Variants in GRB10 observed in about 807,000 individuals in gnomAD.
The protein encoded by GRB10 is growth factor receptor bound protein 10, also known as growth factor receptor-bound protein 10.
In GRB10, 20 loss-of-function variants were observed where a neutral mutation model predicts 80.9. That is an observed-to-expected ratio of 0.25 (90% confidence interval 0.17 to 0.36). The LOEUF (loss-of-function observed/expected upper bound fraction) is 0.36, where lower values mean the gene tolerates loss of function less well. Ranked by LOEUF, GRB10 falls within the 10% of genes least tolerant of loss-of-function variation. The pLI is 1.00. For missense variants in GRB10, 548 were observed against 747.7 expected (o/e 0.73, Z 3.12); for synonymous variants, 291 against 291.5 (o/e 1.00, Z 0.02).
At chr7:50,792,793 G>T (rs2078987343) in intron 1 of GRB10, 1 of 180,270 alleles carries the variant, frequency 5.5e-6, no homozygotes, top group Non-Finnish European at 1.1e-5. Context: ...GGACGCCTGG[G>T]CGCCCACCCT....
At chr7:50,649,454 A>C (rs1440222154) in intron 7 of GRB10, among the ~76,000 whole-genome samples, 1 of 152,204 alleles carries the variant, frequency 6.6e-6, no homozygotes, top group African/African-American at 2.4e-5. Context: ...CTGAGCTGGC[A>C]AATGTGAGGG....
At chr7:50,710,089 C>T (rs1303039992) in intron 4 of GRB10, among the ~76,000 whole-genome samples, 3 of 152,152 alleles carry the variant, frequency 2.0e-5, no homozygotes, top group Non-Finnish European at 4.4e-5. Context: ...CCCTTTGGCA[C>T]TTTCTCTGAC....
chr7:50,677,569 C>T (rs921599655), intron 5 of GRB10, among the ~76,000 whole-genome samples: 2 of 152,210 alleles, frequency 1.3e-5, no homozygotes, highest in African/African-American at 4.8e-5. Flanking sequence ...GTGGAGACCA[C>T]GAATCTGGGG....
At chr7:50,595,321 C>T (rs1460979301) in intron 18 of GRB10, 116 bp downstream of exon 18, 3 of 721,802 alleles carry the variant, frequency 4.2e-6, no homozygotes, top group Non-Finnish European at 7.5e-6. Flanking sequence ...TTCTTAACTG[C>T]AGCCTTGAAA....
chr7:50,698,224 T>C (rs968378900), intron 5 of GRB10, among the ~76,000 whole-genome samples: 1 of 152,262 alleles, frequency 6.6e-6, no homozygotes, highest in African/African-American at 2.4e-5. Flanking sequence ...CATTTTTGTA[T>C]GTACATGCAA....
chr7:50,790,649 CT>C (rs779873381), intron 1 of GRB10, among the ~76,000 whole-genome samples: 8 of 152,246 alleles, frequency 5.3e-5, no homozygotes, highest in Non-Finnish European at 1.0e-4. Flanking sequence ...TAGATACAAG[CT>C]CAAATACATT....
In GRB10 at chr7:50,614,821, G is replaced by A. The variant is rs766963067; in HGVS notation, c.1044C>T (p.Ile348=). 1.5e-5 allele frequency: 25 copies of A among 1,613,874 alleles called. No individual in the cohort carries two copies. The highest frequency in any genetic ancestry group is 8.9e-5 in the East Asian group (4 of 44,884). The change falls in exon 12 of 19, where the codon ATC becomes ATT. Residue 348 remains isoleucine, a synonymous_variant. Transcript: ENST00000401949. ...GGGCGTTGTACTGCTTCCTGCCAGC[G>A]ATCAGGGAGAAGATGTTGCTGTCCT... ...DLEDSNIFSL[I]AGRKQYNAPT...
At chr7:50,773,880 C>A (rs569001864) in intron 2 of GRB10, among the ~76,000 whole-genome samples, 12 of 152,162 alleles carry the variant, frequency 7.9e-5, no homozygotes, top group Non-Finnish European at 1.8e-4. Flanking sequence ...TATTTTGAGA[C>A]GAAGTCTCGC....
chr7:50,749,134 G>GT lies in GRB10; in HGVS notation c.-47+6752dup, dbSNP rs11405172. On this transcript the variant is annotated intron_variant, in intron 3 of 18. Transcript: ENST00000401949. ...TTTGTTTTGTTTTGTTTTTTTGTTT[G>GT]TTTTTTTTTTTTGAGATGGAGTCTC... Among the ~76,000 whole-genome samples the GT allele has an allele frequency of 1.8e-3, 249 of 137,938 alleles. 1 individual carries two copies. Among genetic ancestry groups the GT allele is most frequent in the African/African-American group, 4.8e-3 (183 of 38,038 alleles). 90.5% of individuals were successfully genotyped at this position (137,938 alleles called of 152,430 possible).
At chr7:50,793,365 C>T in exon 1 of GRB10, 1 of 148,030 alleles carries the variant, frequency 6.8e-6, no homozygotes, top group Non-Finnish European at 1.5e-5. Flanking sequence ...TGCCGCCACC[C>T]AGGGGCTGCG....
chr7:50,755,021 T>G (rs950265754), intron 3 of GRB10, among the ~76,000 whole-genome samples: 1 of 152,190 alleles, frequency 6.6e-6, no homozygotes, highest in Non-Finnish European at 1.5e-5. Context: ...GAGAGAGGCC[T>G]CAGGAGGAAC....
intron 8 of GRB10, among the ~76,000 whole-genome samples, chr7:50,622,357 A>G (rs980586253): frequency 3.9e-5 from 6 of 152,154 alleles, no homozygotes; most frequent in Non-Finnish European, 5.9e-5. Flanking sequence ...ACCTTTCTGC[A>G]TGTCCAGCTG....
chr7:50,637,441 C>T (rs994582094), intron 7 of GRB10, among the ~76,000 whole-genome samples: 15 of 151,654 alleles, frequency 9.9e-5, no homozygotes, highest in African/African-American at 3.1e-4. Context: ...AATGGCCACA[C>T]ACACACACAC....
At chr7:50,616,134 C>A (rs541751041) in intron 11 of GRB10, 76 bp downstream of exon 11, 2 of 1,556,900 alleles carry the variant, frequency 1.3e-6, no homozygotes, top group Non-Finnish European at 1.8e-6. Flanking sequence ...AAAATGAAGC[C>A]CAGGTTCACT....
intron 2 of GRB10, among the ~76,000 whole-genome samples, chr7:50,758,975 A>C (rs1199502413): frequency 8.6e-6 from 1 of 115,932 alleles, no homozygotes; most frequent in Non-Finnish European, 1.8e-5. Context: ...GCTTGAGCTC[A>C]GGAGTTCAAG....
chr7:50,678,877 G>A (rs959711312), intron 5 of GRB10, among the ~76,000 whole-genome samples: 1 of 152,178 alleles, frequency 6.6e-6, no homozygotes, highest in African/African-American at 2.4e-5. Context: ...CTTCTGCCAC[G>A]TAACAGAAGT....
At chr7:50,657,749 A>G (rs2058793511) in intron 7 of GRB10, among the ~76,000 whole-genome samples, 1 of 152,222 alleles carries the variant, frequency 6.6e-6, no homozygotes, top group Non-Finnish European at 1.5e-5. Context: ...AAACCTTCCC[A>G]CACAGGGACT....
At chr7:50,647,974 C>T (rs575404029) in intron 7 of GRB10, among the ~76,000 whole-genome samples, 2 of 152,224 alleles carry the variant, frequency 1.3e-5, no homozygotes, top group African/African-American at 2.4e-5. Flanking sequence ...GGACCTGTTG[C>T]GTTGGCAGTG....
At chr7:50,611,931 C>A (rs1054151705) in intron 13 of GRB10, among the ~76,000 whole-genome samples, 2 of 152,212 alleles carry the variant, frequency 1.3e-5, no homozygotes, top group Non-Finnish European at 2.9e-5. Flanking sequence ...AGCTAACTTA[C>A]AACTCACAAG....
Sources: gnomAD v4.1 joint callset for allele counts (sites outside exome capture counted in the v4.1 genomes callset) on GRCh38, gnomAD v4.1.1 for gene constraint, MANE v1.5 for transcripts, NCBI Gene and HGNC (gene_info 2026-07-23, HGNC 2026-07-21) for gene names.